The following ANK1 variants were observed in gnomAD, a reference collection of about 807,000 sequenced individuals.
ANK1 encodes ankyrin 1.
ANK1 carries 51 observed loss-of-function variants against 210.4 expected under a neutral mutation model. The observed-to-expected ratio is 0.24, with a 90% CI of 0.19 to 0.31. The LOEUF is 0.31. ANK1 is among the 10% of genes least tolerant of loss of function. The pLI, the probability that ANK1 is intolerant of heterozygous loss-of-function variation, is 1.00. For missense variants in ANK1, 2,051 were observed against 2,504.4 expected (o/e 0.82, Z 3.86); for synonymous variants, 967 against 1,025.9 (o/e 0.94, Z 1.10).
intron 1 of ANK1, among the ~76,000 whole-genome samples, chr8:41,813,856 T>C (rs1587150526): frequency 6.6e-6 from 1 of 152,314 alleles, no homozygotes; most frequent in South Asian, 2.1e-4. Context: ...CAATATGAAC[T>C]ATGTATTCAA....
intron 1 of ANK1, among the ~76,000 whole-genome samples, chr8:41,817,389 T>C (rs2150786945): frequency 6.6e-6 from 1 of 152,374 alleles, no homozygotes; most frequent in East Asian, 1.9e-4. Context: ...AGGTGAGGTT[T>C]GGGTACTGGT....
chr8:41,684,167 A>G (rs1438535494), intron 37 of ANK1, among the ~76,000 whole-genome samples: 1 of 152,204 alleles, frequency 6.6e-6, no homozygotes. Context: ...AAGAGGGCCC[A>G]CGCCTTGCAA....
At chr8:41,858,350 A>C (rs1219785911) in intron 1 of ANK1, among the ~76,000 whole-genome samples, 1 of 151,546 alleles carries the variant, frequency 6.6e-6, no homozygotes, top group East Asian at 1.9e-4. Flanking sequence ...CATCTCAAAA[A>C]AAAAAAAAAA....
At chr8:41,820,614 C>G (rs1804098901) in intron 1 of ANK1, among the ~76,000 whole-genome samples, 1 of 151,986 alleles carries the variant, frequency 6.6e-6, no homozygotes, top group African/African-American at 2.4e-5. Context: ...TGCAGGGGTC[C>G]CAGAGCAAGC....
chr8:41,855,280 G>C (rs572783714), intron 1 of ANK1, among the ~76,000 whole-genome samples: 1 of 152,330 alleles, frequency 6.6e-6, no homozygotes, highest in African/African-American at 2.4e-5. Flanking sequence ...ACCAGGAGAT[G>C]AACAGCTAGA....
intron 36 of ANK1, among the ~76,000 whole-genome samples, chr8:41,685,024 G>C (rs1817327086): frequency 6.6e-6 from 1 of 152,136 alleles, no homozygotes; most frequent in Non-Finnish European, 1.5e-5. Flanking sequence ...CACCTCCCAG[G>C]CTCAAGCAAT....
chr8:41,863,031 G>T (rs762614712), intron 1 of ANK1, among the ~76,000 whole-genome samples: 12 of 150,900 alleles, frequency 8.0e-5, no homozygotes, highest in Non-Finnish European at 1.5e-4. Context: ...AAAATAAAAA[G>T]TTTGACATAA....
At chr8:41,810,651 G>A (rs996482730) in intron 1 of ANK1, among the ~76,000 whole-genome samples, 2 of 152,240 alleles carry the variant, frequency 1.3e-5, no homozygotes, top group African/African-American at 4.8e-5. Flanking sequence ...TCCCTGACGG[G>A]CCTTCCAGAG....
intron 33 of ANK1, 150 bp downstream of exon 33, chr8:41,690,077 G>A: frequency 7.8e-7 from 1 of 1,290,042 alleles, no homozygotes; most frequent in Non-Finnish European, 1.1e-6. Context: ...TGAGCATGTG[G>A]AGGAGAGCTC....
Position 41,695,720 on chromosome 8 carries a change from C to T in ANK1, c.2961-389G>A, listed in dbSNP as rs370718015. On this transcript the variant is annotated intron_variant, in intron 26 of 42. Transcript: ENST00000289734. ...GAGGGACACTTTGAGGACAAAGAAA[C>T]GTCAACGAGAAAACTTGCTGCTTTG... Among the ~76,000 whole-genome samples the T allele has an allele frequency of 1.6e-3, 244 of 152,366 alleles. 2 individuals carry two copies. Among genetic ancestry groups the T allele is most frequent in the African/African-American group, 4.9e-3 (205 of 41,588 alleles).
At chr8:41,696,628 T>C in intron 25 of ANK1, 41 bp from the exon 26 acceptor site, 2 of 1,610,706 alleles carry the variant, frequency 1.2e-6, no homozygotes, top group Non-Finnish European at 1.7e-6. Context: ...CTGCATCCCC[T>C]CTCGGAGATG....
chr8:41,724,569 A>AG lies in ANK1; in HGVS notation c.613-16dup. 1 of 1,570,526 alleles carries AG rather than the reference A, an allele frequency of 6.4e-7. No homozygotes were observed. Among genetic ancestry groups the AG allele is most frequent in the Non-Finnish European group, 8.6e-7 (1 of 1,156,852 alleles). On this transcript the variant is annotated splice_polypyrimidine_tract_variant and intron_variant, in intron 6 of 42. Transcript: ENST00000289734. ...GTGAATCCCGTCTGGGGCACAACAG[A>AG]GGGGGAGAAACTTGTTATATGTGAT...
chr8:41,874,000 A>C (rs1033794446), intron 1 of ANK1, among the ~76,000 whole-genome samples: 6 of 152,174 alleles, frequency 3.9e-5, no homozygotes, highest in African/African-American at 1.4e-4. Flanking sequence ...ACATGCAGGC[A>C]CACACAAGCA....
At position 41,715,709 on chromosome 8, in the gene ANK1, A is replaced by C. The variant is rs1473183275; in HGVS notation, c.1545T>G (p.His515Gln). 6.2e-7 allele frequency: 1 copy of C among 1,613,898 alleles called. No homozygotes were observed. The highest frequency in any genetic ancestry group is 1.7e-5 in the Admixed American group (1 of 60,008). ...TPLHIAAREGHVETVLALLEK... is the reference protein window; with the variant it reads ...TPLHIAAREGQVETVLALLEK... ...CCAGAAGGGCCAGGACTGTTTCCAC[A>C]TGGCCCTCACGGGCTGCAATGTGCA... Residue 515 changes from histidine to glutamine, a missense_variant, in exon 14 of 43, where the codon CAT (histidine) becomes CAG (glutamine). By Grantham distance (24) the His-to-Gln change is conservative. Transcript: ENST00000289734.
intron 37 of ANK1, among the ~76,000 whole-genome samples, chr8:41,682,323 C>T (rs1163327444): frequency 6.6e-6 from 1 of 152,260 alleles, no homozygotes; most frequent in Non-Finnish European, 1.5e-5. Flanking sequence ...CACCCGCTTC[C>T]CTTGCACCAT....
At chr8:41,887,525 CT>C (rs1235104377) in intron 1 of ANK1, among the ~76,000 whole-genome samples, 1 of 152,180 alleles carries the variant, frequency 6.6e-6, no homozygotes, top group Non-Finnish European at 1.5e-5. Flanking sequence ...TCCCAAAATG[CT>C]GGGATTACAG....
intron 1 of ANK1, among the ~76,000 whole-genome samples, chr8:41,763,873 C>CTT (rs1427763122): frequency 3.5e-5 from 2 of 56,798 alleles, no homozygotes; most frequent in Admixed American, 2.0e-4. Flanking sequence ...TTTCTTCTTT[C>CTT]TTTTTTTCTT....
At position 41,717,128 on chromosome 8, in the gene ANK1, A is replaced by T. The variant is rs1827897308; in HGVS notation, c.1306-77T>A. ...CGGCACACACAGAGCTAGGAAGTGC[A>T]GTCTGGAGTGGCTTGGTGGGTTTTT... On this transcript the variant is annotated intron_variant, in intron 12 of 42. Coordinates refer to ENST00000289734, the MANE Select transcript of ANK1 (RefSeq NM_000037.4). 5.9e-6 allele frequency: 9 copies of T among 1,513,202 alleles called. No individual in the cohort carries two copies. The South Asian group carries it at 1.0e-4, about 17-fold the overall frequency. 93.7% of individuals were successfully genotyped at this position (1,513,202 alleles called of 1,614,324 possible).
At chr8:41,864,302 G>A (rs1422109918) in intron 1 of ANK1, among the ~76,000 whole-genome samples, 1 of 151,628 alleles carries the variant, frequency 6.6e-6, no homozygotes, top group Non-Finnish European at 1.5e-5. Flanking sequence ...ACATCAAATG[G>A]AAAATTATTT....
Sources: gnomAD v4.1 joint callset for allele counts (sites outside exome capture counted in the v4.1 genomes callset) on GRCh38, gnomAD v4.1.1 for gene constraint, MANE v1.5 for transcripts, NCBI Gene and HGNC (gene_info 2026-07-23, HGNC 2026-07-21) for gene names.